Variants in STMN4 observed in about 807,000 individuals in gnomAD.
STMN4 encodes stathmin 4.
In STMN4, 12 loss-of-function variants were observed where a neutral mutation model predicts 29.1. The observed-to-expected ratio is 0.41, with a 90% CI of 0.26 to 0.67. The LOEUF is 0.67. Among genes scored for constraint, STMN4 ranks in the 30% least tolerant of loss-of-function variants. STMN4 has a pLI of 0.30. For synonymous variants in STMN4, 114 were observed against 105.3 expected, an observed-to-expected ratio of 1.08 and a Z score of -0.51; for missense variants, 181 against 262.8, an observed-to-expected ratio of 0.69 and a Z score of 2.15.
intron 1 of STMN4, among the ~76,000 whole-genome samples, chr8:27,257,495 C>A (rs1801978058): frequency 7.0e-6 from 1 of 143,466 alleles, no homozygotes; most frequent in Admixed American, 7.3e-5. Context: ...CACACACACA[C>A]ACACACAGCA....
intron 6 of STMN4, chr8:27,239,758 C>T (rs1801409784): frequency 6.6e-7 from 1 of 1,505,630 alleles, no homozygotes; most frequent in African/African-American, 1.4e-5. Context: ...TGCAGAATAT[C>T]CCCCAAGGAA....
Position 27,236,849 on chromosome 8 carries a change from C to T in STMN4, c.648G>A (p.Arg216=), listed in dbSNP as rs1489573954. 1 of 1,604,660 alleles carries T rather than the reference C, an allele frequency of 6.2e-7. No individual in the cohort carries two copies. The highest frequency in any genetic ancestry group is 1.1e-5 in the South Asian group (1 of 89,218). The part of the protein sequence containing the change: ...KNKELKEEAS[R] ...AAAGTTCTTTGGCCTCTAGGCTTTA[C>T]CTGGAGGCCTCTTCCTTCAGCTCCT... The change falls in exon 7 of 7, where the codon AGG becomes AGA. Residue 216 remains arginine, a synonymous_variant. Transcript: ENST00000350889.
chr8:27,251,569 T>C (rs1000477859), intron 1 of STMN4, among the ~76,000 whole-genome samples: 3 of 152,028 alleles, frequency 2.0e-5, no homozygotes, highest in Admixed American at 6.5e-5. Flanking sequence ...TATAGGCATA[T>C]GTGCATCTTA....
intron 2 of STMN4, 86 bp from the exon 3 acceptor site, chr8:27,242,578 C>G (rs1015733660): frequency 2.9e-5 from 41 of 1,391,902 alleles, no homozygotes; most frequent in Non-Finnish European, 3.9e-5. Context: ...TCTGAGCAGC[C>G]CAGGGTTCCA....
At position 27,241,238 on chromosome 8, in the gene STMN4, C is replaced by T; in HGVS notation, c.215G>A (p.Cys72Tyr). Residue 72 changes from cysteine (C) to tyrosine (Y), a missense_variant, in exon 5 of 7, where the codon TGC (cysteine) becomes TAC (tyrosine). Transcript: ENST00000350889. ...AQADTVDLNWCVISDMEVIEL... is the reference protein window; with the variant it reads ...AQADTVDLNWYVISDMEVIEL... ...GATGACTTCCATGTCGGAAATGACGCACCAATTCAGGTCCACCGTGTCTGC... is the reference window on the plus strand; with the variant it reads ...GATGACTTCCATGTCGGAAATGACGTACCAATTCAGGTCCACCGTGTCTGC... The T allele has an allele frequency of 6.2e-7, 1 of 1,614,174 alleles. No individual in the cohort carries two copies. Among genetic ancestry groups the T allele is most frequent in the South Asian group, 1.1e-5 (1 of 91,074 alleles).
At chr8:27,248,859 G>T (rs1261669783) in intron 1 of STMN4, among the ~76,000 whole-genome samples, 1 of 152,194 alleles carries the variant, frequency 6.6e-6, no homozygotes, top group Non-Finnish European at 1.5e-5. Context: ...GGAGGGATAG[G>T]CTGGAAGCCA....
intron 2 of STMN4, 121 bp downstream of exon 2, chr8:27,243,590 A>G (rs1563415648): frequency 9.6e-7 from 1 of 1,046,302 alleles, no homozygotes; most frequent in East Asian, 2.4e-5. Flanking sequence ...CACTACCTGC[A>G]CCCCCCCACA....
At chr8:27,252,179 A>G (rs1192769856) in intron 1 of STMN4, among the ~76,000 whole-genome samples, 1 of 151,996 alleles carries the variant, frequency 6.6e-6, no homozygotes, top group African/African-American at 2.4e-5. Context: ...CATGGTGTAT[A>G]TGTGCCACAT....
In STMN4 at chr8:27,236,913, G is replaced by C. The variant is rs1228298396; in HGVS notation, c.592-8C>G. On this transcript the variant is annotated splice_polypyrimidine_tract_variant and splice_region_variant and intron_variant, in intron 6 of 6. Transcript: ENST00000350889. Reference sequence around the variant, plus strand: ...CTCCTCGGCGTGCTTGTCCTGGAAAGGAAGGGAGGGAAAAGGGCAGGTCAC... The same window carrying C: ...CTCCTCGGCGTGCTTGTCCTGGAAACGAAGGGAGGGAAAAGGGCAGGTCAC... 1.2e-6 allele frequency: 2 copies of C among 1,606,186 alleles called. No individual in the cohort carries two copies. The highest frequency in any genetic ancestry group is 1.7e-6 in the Non-Finnish European group (2 of 1,176,744).
chr8:27,244,726 C>T (rs1014308969), intron 1 of STMN4, among the ~76,000 whole-genome samples: 2 of 151,798 alleles, frequency 1.3e-5, no homozygotes, highest in African/African-American at 2.4e-5. Flanking sequence ...CTAGTTGACG[C>T]TAGATCAGAA....
At chr8:27,247,234 G>C (rs1238962386) in intron 1 of STMN4, among the ~76,000 whole-genome samples, 1 of 138,134 alleles carries the variant, frequency 7.2e-6, no homozygotes, top group Non-Finnish European at 1.5e-5. Context: ...CAGCCTGGGT[G>C]AGAGAGTGAG....
chr8:27,253,135 G>C lies in STMN4; in HGVS notation c.-79+5216C>G, dbSNP rs990189230. Among the ~76,000 whole-genome samples, 3 of 152,204 alleles carry C rather than the reference G, an allele frequency of 2.0e-5. No individual in the cohort carries two copies. In the South Asian group the frequency reaches 6.2e-4, roughly 31 times the overall value. ...TCCATTCCTACCTCTTTTCAGAGGAGGAGACAAGGAGCCCAAGAAGTGCCT... is the reference window on the plus strand; with the variant it reads ...TCCATTCCTACCTCTTTTCAGAGGACGAGACAAGGAGCCCAAGAAGTGCCT... On this transcript the variant is annotated intron_variant, in intron 1 of 6. Coordinates refer to ENST00000350889, the MANE Select transcript of STMN4 (RefSeq NM_030795.4).
At chr8:27,239,180 G>T in intron 6 of STMN4, 1 of 1,527,378 alleles carries the variant, frequency 6.5e-7, no homozygotes, top group Non-Finnish European at 8.7e-7. Context: ...AAGGGCCTGA[G>T]ACTCTAGGTG....
intron 5 of STMN4, among the ~76,000 whole-genome samples, chr8:27,240,836 C>A (rs1801448306): frequency 6.6e-6 from 1 of 152,170 alleles, no homozygotes; most frequent in South Asian, 2.1e-4. Context: ...TAGCAATGTC[C>A]TATCCCCCTA....
chr8:27,239,853 T>A, intron 6 of STMN4, 118 bp downstream of exon 6: 13 of 1,566,444 alleles, frequency 8.3e-6, no homozygotes, highest in Non-Finnish European at 1.0e-5. Flanking sequence ...AAGAAAAAGA[T>A]CCTGATTTTT....
Position 27,255,852 on chromosome 8 carries a change from G to C in STMN4, c.-79+2499C>G, listed in dbSNP as rs576192428. 3.3e-5 allele frequency among the ~76,000 whole-genome samples: 5 copies of C among 152,258 alleles called. No homozygotes were observed. In the South Asian group the frequency reaches 1.0e-3, roughly 32 times the overall value. The stretch of plus-strand genomic sequence containing the variant: ...ATTAAGCAGCCATCCAAGCAAAAAT[G>C]CAGGACACTTTCACCGTCCCTCCAC... On this transcript the variant is annotated intron_variant, in intron 1 of 6. Coordinates refer to ENST00000350889, the MANE Select transcript of STMN4 (RefSeq NM_030795.4).
At chr8:27,247,254 CAAA>C (rs150260843) in intron 1 of STMN4, among the ~76,000 whole-genome samples, 5 of 107,790 alleles carry the variant, frequency 4.6e-5, no homozygotes, top group Admixed American at 1.0e-4. Flanking sequence ...GACTTTGTCT[CAAA>C]AAAAAAAAAA....
intron 1 of STMN4, among the ~76,000 whole-genome samples, chr8:27,256,745 A>T (rs1801952825): frequency 6.6e-6 from 1 of 152,196 alleles, no homozygotes; most frequent in South Asian, 2.1e-4. Flanking sequence ...CCATAAGTTG[A>T]TTTCACAATG....
At chr8:27,250,301 G>T (rs919076863) in intron 1 of STMN4, among the ~76,000 whole-genome samples, 6 of 152,168 alleles carry the variant, frequency 3.9e-5, no homozygotes, top group Non-Finnish European at 5.9e-5. Flanking sequence ...TCTTCTTTGG[G>T]TTTAAAATCA....
Sources: allele counts gnomAD v4.1 joint callset (sites outside exome capture counted in the v4.1 genomes callset), GRCh38; gene constraint gnomAD v4.1.1; transcripts MANE v1.5; gene names NCBI Gene and HGNC (gene_info 2026-07-23, HGNC 2026-07-21).